Variants in KIAA0319L observed in about 807,000 individuals in gnomAD.
KIAA0319L encodes the protein KIAA0319 like, also known as dyslexia-associated protein KIAA0319-like protein.
KIAA0319L carries 55 observed loss-of-function variants against 120.1 expected under a neutral mutation model. The ratio of observed to expected loss-of-function variants is 0.46; its 90% confidence interval spans 0.37 to 0.57. The LOEUF (loss-of-function observed/expected upper bound fraction) is 0.57, where lower values mean the gene tolerates loss of function less well. Ranked by LOEUF, KIAA0319L falls within the 20% of genes least tolerant of loss-of-function variation. The pLI, the probability that KIAA0319L is intolerant of heterozygous loss-of-function variation, is 0.00. For synonymous variants in KIAA0319L, 398 were observed against 471.9 expected, an observed-to-expected ratio of 0.84 and a Z score of 2.03; for missense variants, 1,049 against 1,255.3, an observed-to-expected ratio of 0.84 and a Z score of 2.48.
chr1:35,538,094 T>C (rs1646650457), intron 2 of KIAA0319L, among the ~76,000 whole-genome samples: 1 of 152,150 alleles, frequency 6.6e-6, no homozygotes, highest in African/African-American at 2.4e-5. Context: ...CCATAGCACA[T>C]CTCGGAATTG....
intron 16 of KIAA0319L, among the ~76,000 whole-genome samples, chr1:35,447,691 C>T (rs758706905): frequency 6.6e-6 from 1 of 151,808 alleles, no homozygotes; most frequent in Non-Finnish European, 1.5e-5. Context: ...CCTGCCTCAG[C>T]TTCCCAAATA....
intron 3 of KIAA0319L, among the ~76,000 whole-genome samples, chr1:35,479,865 T>C (rs1313136443): frequency 6.8e-6 from 1 of 147,488 alleles, no homozygotes; most frequent in Non-Finnish European, 1.5e-5. Flanking sequence ...ATCATGCCAC[T>C]GTACTCTAGC....
intron 20 of KIAA0319L, chr1:35,439,791 G>C (rs1199033316): frequency 6.6e-6 from 1 of 152,138 alleles, no homozygotes; most frequent in Non-Finnish European, 1.5e-5. Context: ...GCAAGACCTT[G>C]TCGCCACATT....
chr1:35,504,695 GT>G (rs1200468418), intron 3 of KIAA0319L, among the ~76,000 whole-genome samples: 24 of 152,244 alleles, frequency 1.6e-4, no homozygotes, highest in Non-Finnish European at 2.6e-4. Context: ...CCCCTACACT[GT>G]TCAAGGGTCA....
chr1:35,459,766 G>C (rs888859786), intron 9 of KIAA0319L, among the ~76,000 whole-genome samples: 1 of 152,074 alleles, frequency 6.6e-6, no homozygotes, highest in African/African-American at 2.4e-5. Context: ...GCAAACATAA[G>C]GAGGATTACT....
chr1:35,554,028 A>G (rs1175924025), intron 2 of KIAA0319L, among the ~76,000 whole-genome samples: 1 of 152,250 alleles, frequency 6.6e-6, no homozygotes, highest in African/African-American at 2.4e-5. Context: ...CATGAGGTAG[A>G]TAATAACCCT....
chr1:35,464,408 G>A (rs1016568139), intron 7 of KIAA0319L, among the ~76,000 whole-genome samples: 5 of 152,252 alleles, frequency 3.3e-5, no homozygotes, highest in Admixed American at 6.5e-5. Flanking sequence ...ATTTTGCCCC[G>A]GCCCTAGAGA....
At chr1:35,479,350 C>T (rs1644046717) in intron 3 of KIAA0319L, 138 bp from the exon 4 acceptor site, 2 of 677,206 alleles carry the variant, frequency 3.0e-6, no homozygotes, top group Middle Eastern at 4.2e-4. Flanking sequence ...CTAATCTCAC[C>T]ACCCAAATAA....
At chr1:35,539,969 A>G (rs1646728798) in intron 2 of KIAA0319L, among the ~76,000 whole-genome samples, 1 of 152,218 alleles carries the variant, frequency 6.6e-6, no homozygotes, top group African/African-American at 2.4e-5. Flanking sequence ...CTTATTACCT[A>G]AAAGTGAAAG....
chr1:35,480,504 G>A (rs961600945), intron 3 of KIAA0319L, among the ~76,000 whole-genome samples: 4 of 152,086 alleles, frequency 2.6e-5, no homozygotes, highest in East Asian at 3.8e-4. Flanking sequence ...AAATTCGGCC[G>A]GGTGTGGTGT....
chr1:35,462,578 G>A (rs144028651), intron 8 of KIAA0319L, 43 bp downstream of exon 8: 26,512 of 1,465,654 alleles, frequency 0.018, 278 homozygotes, highest in Middle Eastern at 0.024. Context: ...CAGAGTACAC[G>A]GTGAATGTTC....
At chr1:35,499,385 T>C (rs1409519562) in intron 3 of KIAA0319L, among the ~76,000 whole-genome samples, 1 of 152,122 alleles carries the variant, frequency 6.6e-6, no homozygotes, top group Non-Finnish European at 1.5e-5. Context: ...CAGAGAGAGT[T>C]TGTCTTCCTC....
intron 2 of KIAA0319L, among the ~76,000 whole-genome samples, chr1:35,531,399 G>T (rs762584165): frequency 3.3e-5 from 5 of 152,200 alleles, no homozygotes; most frequent in Non-Finnish European, 7.4e-5. Context: ...GGAATGTCAG[G>T]GGGGCTCCAG....
At chr1:35,509,568 G>A (rs759436824) in intron 2 of KIAA0319L, among the ~76,000 whole-genome samples, 2 of 152,142 alleles carry the variant, frequency 1.3e-5, no homozygotes, top group African/African-American at 2.4e-5. Flanking sequence ...TAGAAGCTAG[G>A]GGGAGGCAAG....
chr1:35,537,633 A>C (rs1304535191), intron 2 of KIAA0319L, among the ~76,000 whole-genome samples: 8 of 150,824 alleles, frequency 5.3e-5, no homozygotes, highest in South Asian at 4.2e-4. Flanking sequence ...AAAAAAAAAA[A>C]AAAACTGCAG....
At chr1:35,452,171 G>A (rs1460818822) in intron 12 of KIAA0319L, among the ~76,000 whole-genome samples, 2 of 152,366 alleles carry the variant, frequency 1.3e-5, no homozygotes, top group South Asian at 2.1e-4. Context: ...CAGCAAGGAA[G>A]CAAAATGCAT....
intron 4 of KIAA0319L, 111 bp downstream of exon 4, chr1:35,478,855 T>A: frequency 7.7e-7 from 1 of 1,294,314 alleles, no homozygotes; most frequent in South Asian, 1.4e-5. Flanking sequence ...TTATTTTTTC[T>A]CTAACACACA....
At chr1:35,492,697 A>G (rs1407041684) in intron 3 of KIAA0319L, among the ~76,000 whole-genome samples, 2 of 152,210 alleles carry the variant, frequency 1.3e-5, no homozygotes, top group Non-Finnish European at 2.9e-5. Flanking sequence ...TCCATCAATT[A>G]TTCCTGATAA....
intron 5 of KIAA0319L, among the ~76,000 whole-genome samples, chr1:35,471,558 T>C (rs1307326640): frequency 1.5e-4 from 23 of 152,172 alleles, no homozygotes; most frequent in Non-Finnish European, 1.5e-5. Flanking sequence ...AAGCATTAAA[T>C]GGTACCCACT....
Sources: gnomAD v4.1 joint callset for allele counts (sites outside exome capture counted in the v4.1 genomes callset) on GRCh38, gnomAD v4.1.1 for gene constraint, MANE v1.5 for transcripts, NCBI Gene and HGNC (gene_info 2026-07-23, HGNC 2026-07-21) for gene names.